The following HTR4 variants were observed in gnomAD, a reference collection of about 807,000 sequenced individuals.
HTR4 encodes the protein 5-hydroxytryptamine (serotonin) receptor 4, G protein-coupled.
Under a neutral mutation model 36.8 loss-of-function variants are expected in HTR4, and 16 were observed. That is an observed-to-expected ratio of 0.43 (90% CI 0.29 to 0.66). The LOEUF is 0.66. HTR4 is among the 30% of genes least tolerant of loss of function. HTR4 has a pLI of 0.13. For missense variants in HTR4, 438 were observed against 490.9 expected, an observed-to-expected ratio of 0.89 and a Z score of 1.02; for synonymous variants, 189 against 185.1, an observed-to-expected ratio of 1.02 and a Z score of -0.17.
chr5:148,600,998 A>AAAAAAAAAC (rs1761972840), intron 2 of HTR4, among the ~76,000 whole-genome samples: 1 of 148,796 alleles, frequency 6.7e-6, no homozygotes, highest in African/African-American at 2.5e-5. Context: ...AAAAAAAAAA[A>AAAAAAAAAC]AAAAACAAAT....
chr5:148,599,510 C>T (rs1236849317), intron 2 of HTR4, among the ~76,000 whole-genome samples: 1 of 151,840 alleles, frequency 6.6e-6, no homozygotes, highest in Admixed American at 6.6e-5. Context: ...ACAATACTGT[C>T]AACCTGGACA....
chr5:148,572,574 G>A (rs1179477785), intron 2 of HTR4, among the ~76,000 whole-genome samples: 2 of 152,080 alleles, frequency 1.3e-5, no homozygotes, highest in Non-Finnish European at 2.9e-5. Context: ...TGAGAACCAA[G>A]CCTGCTCTCC....
chr5:148,598,841 G>A (rs961573180), intron 2 of HTR4, among the ~76,000 whole-genome samples: 2 of 152,080 alleles, frequency 1.3e-5, no homozygotes. Flanking sequence ...GAGCTATCTG[G>A]AGTTGTAAGA....
chr5:148,644,436 T>G (rs1340109249), intron 1 of HTR4, among the ~76,000 whole-genome samples: 2 of 141,908 alleles, frequency 1.4e-5, no homozygotes, highest in Non-Finnish European at 3.1e-5. Context: ...TTTTTTTTTT[T>G]TTTTTTTTTT....
intron 5 of HTR4, among the ~76,000 whole-genome samples, chr5:148,464,801 G>C (rs1416285740): frequency 6.6e-6 from 1 of 152,166 alleles, no homozygotes; most frequent in African/African-American, 2.4e-5. Flanking sequence ...AGCTTTATTT[G>C]TAATTGCTAA....
At chr5:148,471,219 A>C (rs532156358) in intron 5 of HTR4, among the ~76,000 whole-genome samples, 1 of 152,322 alleles carries the variant, frequency 6.6e-6, no homozygotes, top group Non-Finnish European at 1.5e-5. Context: ...TTCAAATTGA[A>C]TATAGTTTCT....
intron 2 of HTR4, among the ~76,000 whole-genome samples, chr5:148,553,652 A>G (rs576005569): frequency 5.4e-4 from 83 of 152,368 alleles, no homozygotes; most frequent in Non-Finnish European, 9.8e-4. Flanking sequence ...TAAGAATACC[A>G]GAATGGCAAT....
intron 4 of HTR4, among the ~76,000 whole-genome samples, chr5:148,532,768 C>A (rs1758634829): frequency 6.6e-6 from 1 of 152,084 alleles, no homozygotes; most frequent in Non-Finnish European, 1.5e-5. Context: ...AAAAATAAGC[C>A]TAAAAAGGCT....
chr5:148,649,496 G>T (rs1402551714), intron 1 of HTR4, among the ~76,000 whole-genome samples: 3 of 152,134 alleles, frequency 2.0e-5, no homozygotes, highest in African/African-American at 7.2e-5. Context: ...TCTTAACTTA[G>T]ACTCTTCAGA....
chr5:148,496,518 T>A (rs973241545), intron 6 of HTR4, among the ~76,000 whole-genome samples: 1 of 152,210 alleles, frequency 6.6e-6, no homozygotes, highest in Non-Finnish European at 1.5e-5. Flanking sequence ...AAAGAACCTA[T>A]GGCCAAATAT....
At chr5:148,582,610 C>G (rs1761181571) in intron 2 of HTR4, among the ~76,000 whole-genome samples, 1 of 152,038 alleles carries the variant, frequency 6.6e-6, no homozygotes, top group South Asian at 2.1e-4. Flanking sequence ...CCCAGCAGCC[C>G]TTTTAAAATG....
At chr5:148,612,949 T>C (rs1752501467) in intron 2 of HTR4, among the ~76,000 whole-genome samples, 1 of 149,810 alleles carries the variant, frequency 6.7e-6, no homozygotes. Flanking sequence ...ATAAATTCCT[T>C]GACACATACA....
At chr5:148,563,149 C>T (rs560801820) in intron 2 of HTR4, among the ~76,000 whole-genome samples, 124 of 152,304 alleles carry the variant, frequency 8.1e-4, no homozygotes, top group African/African-American at 2.9e-3. Flanking sequence ...CTTCCATCAT[C>T]TCAACTCTCA....
At chr5:148,537,836 A>T (rs576953823) in intron 4 of HTR4, among the ~76,000 whole-genome samples, 44 of 152,258 alleles carry the variant, frequency 2.9e-4, no homozygotes, top group African/African-American at 9.9e-4. Context: ...TCCTACTGAA[A>T]CTATTCCAAA....
chr5:148,593,169 T>C (rs1374688632), intron 2 of HTR4, among the ~76,000 whole-genome samples: 1 of 152,202 alleles, frequency 6.6e-6, no homozygotes, highest in East Asian at 1.9e-4. Context: ...TTTTCCATTT[T>C]TGGTTGTGAG....
chr5:148,562,008 C>T (rs1261343262), intron 2 of HTR4, among the ~76,000 whole-genome samples: 1 of 152,190 alleles, frequency 6.6e-6, no homozygotes, highest in Non-Finnish European at 1.5e-5. Context: ...CTTACTTCTG[C>T]CTCTGATAAT....
rs568170740 is a variant in HTR4 at position 148,630,303 on chromosome 5, G to T, written c.26+6686C>A. ...CAAGGGAATGATTGCATATAAAGGAGAGCTGGCTGTATGGAATCCAGCACA... is the reference window on the plus strand; with the variant it reads ...CAAGGGAATGATTGCATATAAAGGATAGCTGGCTGTATGGAATCCAGCACA... On this transcript the variant is annotated intron_variant, in intron 2 of 6. Coordinates refer to ENST00000377888, the MANE Select transcript of HTR4 (RefSeq NM_000870.7). 5.3e-5 allele frequency: 8 copies of T among 152,314 alleles called. No homozygotes were observed. In the South Asian group the frequency reaches 1.7e-3, roughly 32 times the overall value. The allele number at this position is 152,314 out of a possible 1,614,324, so 9.4% of individuals were successfully genotyped here. A position where few individuals can be genotyped will look rare whatever the true frequency, so the allele number is the denominator to read the frequency against.
intron 5 of HTR4, among the ~76,000 whole-genome samples, chr5:148,467,262 A>G (rs1755452665): frequency 6.6e-6 from 1 of 152,218 alleles, no homozygotes; most frequent in African/African-American, 2.4e-5. Flanking sequence ...CACATCACCA[A>G]TATCTGGCAT....
intron 2 of HTR4, among the ~76,000 whole-genome samples, chr5:148,607,474 C>G (rs1473212468): frequency 2.0e-5 from 3 of 152,070 alleles, no homozygotes; most frequent in African/African-American, 7.2e-5. Flanking sequence ...TTTTATGGGT[C>G]TTTGTTGTTT....
Sources: gnomAD v4.1 joint callset for allele counts (sites outside exome capture counted in the v4.1 genomes callset) on GRCh38, gnomAD v4.1.1 for gene constraint, MANE v1.5 for transcripts, NCBI Gene and HGNC (gene_info 2026-07-23, HGNC 2026-07-21) for gene names.